The following PCDH9 variants were observed in gnomAD, a reference collection of about 807,000 sequenced individuals.
PCDH9 encodes protocadherin-9.
A neutral mutation model predicts 70.6 loss-of-function variants in PCDH9; 24 were observed. The observed-to-expected ratio is 0.34, with a 90% CI of 0.25 to 0.48. The LOEUF (loss-of-function observed/expected upper bound fraction) is 0.48, where lower values mean the gene tolerates loss of function less well. PCDH9 is among the 20% of genes least tolerant of loss of function. The pLI is 0.99. For missense variants in PCDH9, 1,281 were observed against 1,503.6 expected, an observed-to-expected ratio of 0.85 and a Z score of 2.45; for synonymous variants, 562 against 558.5, an observed-to-expected ratio of 1.01 and a Z score of -0.09.
chr13:66,640,720 C>G (rs1281066486), intron 3 of PCDH9, among the ~76,000 whole-genome samples: 3 of 152,136 alleles, frequency 2.0e-5, no homozygotes, highest in Non-Finnish European at 4.4e-5. Context: ...AAGAAGTGAT[C>G]TCGGCAGAAA....
chr13:66,773,761 G>A (rs1248001315), intron 3 of PCDH9, among the ~76,000 whole-genome samples: 1 of 151,608 alleles, frequency 6.6e-6, no homozygotes, highest in Non-Finnish European at 1.5e-5. Flanking sequence ...AATTGTCCCT[G>A]GACCAATTTT....
intron 3 of PCDH9, among the ~76,000 whole-genome samples, chr13:66,737,901 CGGCAGCGA>C (rs2079181252): frequency 3.6e-5 from 1 of 27,526 alleles, no homozygotes; most frequent in Admixed American, 4.0e-4. Flanking sequence ...AACTGCAAGG[CGGCAGCGA>C]GGCTGGGGGA....
intron 3 of PCDH9, among the ~76,000 whole-genome samples, chr13:66,774,977 T>A: frequency 6.6e-6 from 1 of 152,332 alleles, no homozygotes; most frequent in South Asian, 2.1e-4. Context: ...GTATATGACA[T>A]TGAAATCTAT....
intron 2 of PCDH9, among the ~76,000 whole-genome samples, chr13:67,114,504 T>A (rs970717580): frequency 1.2e-4 from 19 of 152,308 alleles, no homozygotes; most frequent in Non-Finnish European, 2.6e-4. Context: ...CAGTTTTTTT[T>A]ACAGAAATAA....
chr13:66,390,046 T>C (rs1956991037), intron 4 of PCDH9, among the ~76,000 whole-genome samples: 1 of 152,188 alleles, frequency 6.6e-6, no homozygotes, highest in Non-Finnish European at 1.5e-5. Flanking sequence ...AACAGAGATA[T>C]CTTCAAGCAC....
At chr13:66,893,768 T>C (rs769915553) in intron 3 of PCDH9, among the ~76,000 whole-genome samples, 1 of 152,118 alleles carries the variant, frequency 6.6e-6, no homozygotes, top group Admixed American at 6.6e-5. Context: ...ACCTAATATG[T>C]TTTATTCTCT....
chr13:66,471,101 C>A lies in PCDH9; in HGVS notation c.3340+160109G>T, dbSNP rs181979305. Among the ~76,000 whole-genome samples the A allele has an allele frequency of 5.3e-5, 8 of 151,870 alleles. No homozygotes were observed. In the South Asian group the frequency reaches 1.7e-3, roughly 32 times the overall value. On this transcript the variant is annotated intron_variant, in intron 4 of 4. Coordinates refer to ENST00000377865, the MANE Select transcript of PCDH9 (RefSeq NM_203487.3). ...TCGTGTAAGCCAGATCACCAAAGAA[C>A]GCTTGCCTAGAGCTTTAAAAAAATT... is the stretch of plus-strand genomic sequence containing the variant.
At chr13:66,515,973 C>T (rs576725794) in intron 4 of PCDH9, among the ~76,000 whole-genome samples, 5 of 152,064 alleles carry the variant, frequency 3.3e-5, no homozygotes, top group South Asian at 4.1e-4. Context: ...TACAAGGGAA[C>T]ATCTTTCTCC....
At chr13:67,009,666 C>A (rs187865881) in intron 2 of PCDH9, among the ~76,000 whole-genome samples, 2 of 152,122 alleles carry the variant, frequency 1.3e-5, no homozygotes, top group African/African-American at 4.8e-5. Flanking sequence ...CAGATTCCAC[C>A]CATCGTTGAC....
chr13:66,435,246 G>A (rs1957847270), intron 4 of PCDH9, among the ~76,000 whole-genome samples: 1 of 152,086 alleles, frequency 6.6e-6, no homozygotes, highest in Admixed American at 6.6e-5. Flanking sequence ...CAAGCACTGT[G>A]TCTATATCTG....
chr13:66,805,553 C>A (rs2080396376), intron 3 of PCDH9, among the ~76,000 whole-genome samples: 1 of 152,070 alleles, frequency 6.6e-6, no homozygotes, highest in South Asian at 2.1e-4. Context: ...TTATGTTGCA[C>A]AGGATGGACA....
intron 3 of PCDH9, among the ~76,000 whole-genome samples, chr13:66,670,914 A>T (rs1317203882): frequency 8.0e-5 from 3 of 37,372 alleles, no homozygotes; most frequent in African/African-American, 1.6e-4. Flanking sequence ...TTCTTATTTA[A>T]AAAAAAAAAA....
At chr13:66,998,130 G>A (rs187612762) in intron 2 of PCDH9, among the ~76,000 whole-genome samples, 2 of 152,184 alleles carry the variant, frequency 1.3e-5, no homozygotes, top group South Asian at 2.1e-4. Context: ...GGGCCTTCAG[G>A]GTAAATAATG....
chr13:66,763,791 G>GT (rs987015506), intron 3 of PCDH9, among the ~76,000 whole-genome samples: 1 of 151,860 alleles, frequency 6.6e-6, no homozygotes, highest in Non-Finnish European at 1.5e-5. Context: ...TCTATCTGTA[G>GT]TTTTTTGTTT....
At chr13:67,065,262 T>A (rs1469810645) in intron 2 of PCDH9, among the ~76,000 whole-genome samples, 1 of 152,146 alleles carries the variant, frequency 6.6e-6, no homozygotes, top group Non-Finnish European at 1.5e-5. Context: ...AGCATTTTTT[T>A]AAAGAGCACA....
At chr13:66,461,403 G>A (rs752056827) in intron 4 of PCDH9, among the ~76,000 whole-genome samples, 1 of 151,322 alleles carries the variant, frequency 6.6e-6, no homozygotes, top group Non-Finnish European at 1.5e-5. Context: ...GTTTTGTGTT[G>A]AATGCAGATA....
At chr13:66,610,920 A>C (rs1015239601) in intron 4 of PCDH9, among the ~76,000 whole-genome samples, 1 of 152,146 alleles carries the variant, frequency 6.6e-6, no homozygotes, top group Non-Finnish European at 1.5e-5. Flanking sequence ...CAGACTGTGC[A>C]TAGTCTAAGA....
chr13:66,519,724 T>C (rs773606677), intron 4 of PCDH9, among the ~76,000 whole-genome samples: 1 of 152,076 alleles, frequency 6.6e-6, no homozygotes, highest in Non-Finnish European at 1.5e-5. Flanking sequence ...TTACCCACAT[T>C]TGCATGACAC....
At chr13:66,474,801 T>TCG (rs1172248737) in intron 4 of PCDH9, among the ~76,000 whole-genome samples, 2 of 152,076 alleles carry the variant, frequency 1.3e-5, no homozygotes, top group East Asian at 3.9e-4. Flanking sequence ...CTACTCTCTC[T>TCG]TTCTTCCAAA....
Sources: gnomAD v4.1 joint callset for allele counts (sites outside exome capture counted in the v4.1 genomes callset) on GRCh38, gnomAD v4.1.1 for gene constraint, MANE v1.5 for transcripts, NCBI Gene and HGNC (gene_info 2026-07-23, HGNC 2026-07-21) for gene names.